C2CD2: variants seen among roughly 807,000 people sequenced by gnomAD.
C2CD2 encodes the protein C2 calcium dependent domain containing 2.
C2CD2 carries 43 observed loss-of-function variants against 74.3 expected under a neutral mutation model. The ratio of observed to expected loss-of-function variants is 0.58; its 90% CI spans 0.45 to 0.75. The LOEUF (loss-of-function observed/expected upper bound fraction) is 0.75, where lower values mean the gene tolerates loss of function less well. Ranked by LOEUF, C2CD2 falls within the 30% of genes least tolerant of loss-of-function variation. The probability of loss-of-function intolerance (pLI) is 0.00; values close to 1 mark genes in which losing one functional copy is unlikely to be tolerated. For synonymous variants in C2CD2, 422 were observed against 390.7 expected (o/e 1.08, Z -0.94); for missense variants, 801 against 916.3 (o/e 0.87, Z 1.63).
chr21:41,941,760 C>A (rs1326234351), intron 2 of C2CD2, among the ~76,000 whole-genome samples: 4 of 152,154 alleles, frequency 2.6e-5, no homozygotes, highest in African/African-American at 9.7e-5. Flanking sequence ...TCTCCATTTT[C>A]CCCCAAGAGT....
chr21:41,895,197 C>T lies in C2CD2; in HGVS notation c.1870+3856G>A, dbSNP rs552220924. Among the ~76,000 whole-genome samples the T allele has an allele frequency of 8.5e-5, 13 of 152,340 alleles. No individual in the cohort carries two copies. Among genetic ancestry groups the T allele is most frequent in the Admixed American group, 3.3e-4 (5 of 15,304 alleles). ...TTCTGCCTCAAGAATGAAGCATCAG[C>T]TCTTGCCGGGGTCTCTGGCCTGCTG... On this transcript the variant is annotated intron_variant, in intron 13 of 13. Transcript: ENST00000380486. The surrounding 1 kb of genome is among the most constrained non-coding windows in gnomAD (Gnocchi z 5.0).
intron 1 of C2CD2, among the ~76,000 whole-genome samples, chr21:41,950,645 C>T (rs1450663807): frequency 6.6e-6 from 1 of 152,192 alleles, no homozygotes; most frequent in Non-Finnish European, 1.5e-5. Context: ...ATACTGCATC[C>T]CACCAGGGAA....
intron 2 of C2CD2, among the ~76,000 whole-genome samples, chr21:41,922,476 CTTT>C (rs34651080): frequency 0.026 from 3,647 of 139,406 alleles, 152 homozygotes; most frequent in African/African-American, 0.091. Context: ...CCATAGGCAT[CTTT>C]TTTTTTTTTT....
chr21:41,889,182 A>G lies in C2CD2; in HGVS notation c.2033T>C (p.Leu678Pro). 1 of 1,612,882 alleles carries G rather than the reference A, an allele frequency of 6.2e-7. No individual in the cohort carries two copies. Among genetic ancestry groups the G allele is most frequent in the East Asian group, 2.2e-5 (1 of 44,868 alleles). ...GGTGTTCTTGTTTCTGTGCCTGGAG[A>G]GCAGCTTCTTGTTCAGGATCCTGGT... ...TLTRILNKKL[L>P]SRHRNKNTMN... is the part of the protein sequence containing the mutation. The change falls in exon 14 of 14, where the codon CTC (leucine) becomes CCC (proline). Residue 678 changes from leucine (L) to proline (P), a missense_variant. Physicochemically the swap from Leu to Pro is moderately conservative, Grantham distance 98 (BLOSUM62 -3). Transcript: ENST00000380486.
At position 41,896,171 on chromosome 21, in the gene C2CD2, C is replaced by T. The variant is rs373243273; in HGVS notation, c.1870+2882G>A. On this transcript the variant is annotated intron_variant, in intron 13 of 13. Transcript: ENST00000380486. ...ACAGGCTGCACTCCTAGGACGTCTA[C>T]GTGTAATTGAGAAAAATAAGACAAA... Among the ~76,000 whole-genome samples, 80 of 152,240 alleles carry T rather than the reference C, an allele frequency of 5.3e-4. No individual in the cohort carries two copies. In the South Asian group the frequency reaches 0.015, roughly 28 times the overall value.
intron 1 of C2CD2, among the ~76,000 whole-genome samples, chr21:41,943,219 C>A (rs1030588303): frequency 2.0e-5 from 3 of 152,120 alleles, no homozygotes; most frequent in African/African-American, 7.2e-5. Context: ...CAATCACTTG[C>A]ACCCAGGAGG....
chr21:41,953,554 T>C lies in C2CD2; in HGVS notation c.95A>G (p.Tyr32Cys), dbSNP rs1193435163. 1 of 1,494,120 alleles carries C rather than the reference T, an allele frequency of 6.7e-7. No homozygotes were observed. The allele number at this position is 1,494,120 out of a possible 1,614,324, so 92.6% of individuals were successfully genotyped here. Residue 32 changes from tyrosine to cysteine, a missense_variant, in exon 1 of 14, where the codon TAC (tyrosine) becomes TGC (cysteine). Physicochemically the swap from Tyr to Cys is radical, Grantham distance 194 (BLOSUM62 -2). Coordinates refer to ENST00000380486, the MANE Select transcript of C2CD2 (RefSeq NM_015500.2). ...CCTGGCCAGCGCCCACTGCGCCAGG[T>C]ACAGGCCTACCGTGGCCAGGGCCGC... The part of the protein sequence containing the change: ...FVAALATVGL[Y>C]LAQWALARAR...
At chr21:41,942,951 G>C in intron 1 of C2CD2, 2 of 984,594 alleles carry the variant, frequency 2.0e-6, no homozygotes, top group Non-Finnish European at 2.4e-6. Flanking sequence ...TGTTCCCCCA[G>C]CATCCTTCCA....
chr21:41,944,536 A>G (rs1414870150), intron 1 of C2CD2, among the ~76,000 whole-genome samples: 6 of 150,270 alleles, frequency 4.0e-5, no homozygotes, highest in African/African-American at 1.5e-4. Flanking sequence ...AAAAAAAAAA[A>G]AAAAAAGAAA....
chr21:41,944,267 C>CT (rs1569083177), intron 1 of C2CD2, among the ~76,000 whole-genome samples: 1 of 152,128 alleles, frequency 6.6e-6, no homozygotes, highest in African/African-American at 2.4e-5. Context: ...AACCCCAGCA[C>CT]TTTGGGAGGC....
At chr21:41,898,267 C>G (rs1369644917) in intron 13 of C2CD2, among the ~76,000 whole-genome samples, 3 of 152,146 alleles carry the variant, frequency 2.0e-5, no homozygotes, top group African/African-American at 4.8e-5. Flanking sequence ...CCAAGATGTC[C>G]TTTTGTCCCC....
intron 2 of C2CD2, among the ~76,000 whole-genome samples, chr21:41,934,517 G>A (rs1327736291): frequency 6.6e-6 from 1 of 152,198 alleles, no homozygotes; most frequent in Non-Finnish European, 1.5e-5. Context: ...ACTTCCTAAG[G>A]TTGCTTTTCT....
At position 41,918,085 on chromosome 21, in the gene C2CD2, C is replaced by T. The variant is rs768501595; in HGVS notation, c.720+20G>A. The stretch of plus-strand genomic sequence containing the variant: ...GCCTAACGGGGTTCAGATGCACCCA[C>T]AGCACCCAGATGAGTTTACCTGAGC... On this transcript the variant is annotated intron_variant, in intron 5 of 13. Transcript: ENST00000380486. 1.9e-5 allele frequency: 30 copies of T among 1,613,794 alleles called. No individual in the cohort carries two copies. Among genetic ancestry groups the T allele is most frequent in the Admixed American group, 1.5e-4 (9 of 59,990 alleles).
intron 13 of C2CD2, among the ~76,000 whole-genome samples, chr21:41,897,957 C>G (rs993061169): frequency 2.6e-5 from 4 of 152,236 alleles, no homozygotes; most frequent in Non-Finnish European, 5.9e-5. Flanking sequence ...CCCAGACTCC[C>G]AGCTGTGACA....
chr21:41,948,014 T>G (rs1266058238), intron 1 of C2CD2, among the ~76,000 whole-genome samples: 1 of 152,234 alleles, frequency 6.6e-6, no homozygotes. Flanking sequence ...CCTGTCTTGT[T>G]GGGAGAATGG....
chr21:41,953,316 G>C (rs540812588), intron 1 of C2CD2, 54 bp downstream of exon 1: 2 of 1,273,702 alleles, frequency 1.6e-6, no homozygotes, highest in East Asian at 6.2e-5. Flanking sequence ...ACCTCGGCCC[G>C]GACCGCCCGC....
chr21:41,907,707 T>G lies in C2CD2; in HGVS notation c.1096A>C (p.Ser366Arg). 2 of 1,613,090 alleles carry G rather than the reference T, an allele frequency of 1.2e-6. No homozygotes were observed. The highest frequency in any genetic ancestry group is 1.7e-6 in the Non-Finnish European group (2 of 1,179,840). ...ACCGAGCTGCCGCAGGCAGACCCGC[T>G]GGTCAGCGTGAAGCTCTGTGGCCCA... ...PSGPQSFTLTSGSACGSSVLG... is the reference protein window; with the variant it reads ...PSGPQSFTLTRGSACGSSVLG... Residue 366 changes from serine to arginine, a missense_variant, in exon 9 of 14, where the codon AGC becomes CGC. By Grantham distance (110) the Ser-to-Arg change is moderately radical. Transcript: ENST00000380486.
At chr21:41,894,548 C>T (rs1403619134) in intron 13 of C2CD2, 1 of 430,714 alleles carries the variant, frequency 2.3e-6, no homozygotes, top group Non-Finnish European at 4.7e-6. Context: ...GTCTGTGGCC[C>T]CTGGGGAGGA....
At chr21:41,931,069 A>G (rs748759774) in intron 2 of C2CD2, among the ~76,000 whole-genome samples, 8 of 150,692 alleles carry the variant, frequency 5.3e-5, no homozygotes, top group Admixed American at 1.3e-4. Flanking sequence ...ACTCTTGTGT[A>G]AGAAGGTAAT....
Sources: allele counts gnomAD v4.1 joint callset (sites outside exome capture counted in the v4.1 genomes callset), GRCh38; gene constraint gnomAD v4.1.1; non-coding constraint Gnocchi (gnomAD v3.1); transcripts MANE v1.5; gene names NCBI Gene and HGNC (gene_info 2026-07-23, HGNC 2026-07-21).